Variants in RUNX3 observed in about 807,000 individuals in gnomAD.
The protein encoded by RUNX3 is runt-related transcription factor 3.
RUNX3 carries 10 observed loss-of-function variants against 27.7 expected under a neutral mutation model. The observed-to-expected ratio is 0.36, with a 90% CI of 0.22 to 0.61. RUNX3 has a LOEUF of 0.61. Ranked by LOEUF, RUNX3 falls within the 20% of genes least tolerant of loss-of-function variation. The pLI is 0.72. For missense variants in RUNX3, 469 were observed against 629.5 expected (o/e 0.75, Z 2.73); for synonymous variants, 270 against 269.2 (o/e 1.00, Z -0.03).
chr1:24,920,553 T>C (rs1640979186), intron 2 of RUNX3, among the ~76,000 whole-genome samples: 1 of 152,224 alleles, frequency 6.6e-6, no homozygotes, highest in Admixed American at 6.5e-5. Context: ...TCCATCATAA[T>C]CCAACACAAA....
intron 3 of RUNX3, among the ~76,000 whole-genome samples, chr1:24,917,094 G>A (rs1383076921): frequency 6.6e-6 from 1 of 152,164 alleles, no homozygotes; most frequent in Non-Finnish European, 1.5e-5. Context: ...TGAGCATGGA[G>A]GGCTCTCAGA....
chr1:24,940,656 G>C (rs1221934031), intron 2 of RUNX3, among the ~76,000 whole-genome samples: 3 of 152,074 alleles, frequency 2.0e-5, no homozygotes, highest in African/African-American at 7.2e-5. Context: ...CTACTTGGAA[G>C]GGTGAGGTGG....
intron 2 of RUNX3, among the ~76,000 whole-genome samples, chr1:24,945,003 CATTT>C (rs1340521220): frequency 6.6e-6 from 1 of 152,156 alleles, no homozygotes; most frequent in Non-Finnish European, 1.5e-5. Context: ...TTCCTCAGCA[CATTT>C]ATTAGTGCCT....
chr1:24,949,560 A>G (rs1265335076), intron 2 of RUNX3, among the ~76,000 whole-genome samples: 1 of 152,206 alleles, frequency 6.6e-6, no homozygotes, highest in African/African-American at 2.4e-5. Context: ...CTTGATTTCT[A>G]GTCCAAGTTG....
intron 4 of RUNX3, among the ~76,000 whole-genome samples, chr1:24,906,884 TG>T (rs1640674549): frequency 6.6e-6 from 1 of 151,856 alleles, no homozygotes; most frequent in Non-Finnish European, 1.5e-5. Flanking sequence ...GGGGCAGGGG[TG>T]GGGAAACTGT....
At chr1:24,958,022 G>A (rs1442457981) in intron 2 of RUNX3, among the ~76,000 whole-genome samples, 1 of 152,258 alleles carries the variant, frequency 6.6e-6, no homozygotes, top group African/African-American at 2.4e-5. Context: ...ACCAGGGCTT[G>A]GCGCTGGAGA....
At chr1:24,964,729 T>G in intron 1 of RUNX3, 1 of 1,438,514 alleles carries the variant, frequency 7.0e-7, no homozygotes, top group Non-Finnish European at 9.2e-7. Context: ...TTTTTGTCTC[T>G]TTTTTCCCCC....
intron 2 of RUNX3, among the ~76,000 whole-genome samples, chr1:24,942,760 C>G (rs76242143): frequency 2.6e-5 from 4 of 152,244 alleles, no homozygotes; most frequent in Admixed American, 6.5e-5. Flanking sequence ...GTAGCCTGAC[C>G]TGCAGTGCAG....
At chr1:24,964,446 A>G (rs1642201614) in intron 2 of RUNX3, 1 of 1,317,956 alleles carries the variant, frequency 7.6e-7, no homozygotes, top group South Asian at 1.3e-5. Context: ...CAGGGCGGTC[A>G]GTGGAGGGAC....
chr1:24,917,434 T>C (rs1217466010), intron 3 of RUNX3, among the ~76,000 whole-genome samples: 2 of 152,146 alleles, frequency 1.3e-5, no homozygotes, highest in Non-Finnish European at 2.9e-5. Flanking sequence ...GACAAAACGC[T>C]GCGGACCCAG....
At chr1:24,931,543 TC>T (rs1641228715), upstream of RUNX3, among the ~76,000 whole-genome samples, 1 of 152,070 alleles carries the variant, frequency 6.6e-6, no homozygotes, top group African/African-American at 2.4e-5. Flanking sequence ...GTGCTGAGCC[TC>T]CCCGCCGCTT....
chr1:24,932,536 A>G (rs1641255922), upstream of RUNX3, among the ~76,000 whole-genome samples: 1 of 152,132 alleles, frequency 6.6e-6, no homozygotes, highest in Non-Finnish European at 1.5e-5. Flanking sequence ...TTTCCTTGCC[A>G]TCCATGCGGC....
chr1:24,932,590 C>A (rs1172604880), upstream of RUNX3, among the ~76,000 whole-genome samples: 1 of 152,198 alleles, frequency 6.6e-6, no homozygotes, highest in Non-Finnish European at 1.5e-5. Flanking sequence ...ACCAAGGCCG[C>A]CTTCCTCACC....
intron 4 of RUNX3, among the ~76,000 whole-genome samples, chr1:24,905,330 G>A (rs1640644442): frequency 6.6e-6 from 1 of 152,234 alleles, no homozygotes; most frequent in East Asian, 1.9e-4. Context: ...TACAGCCAAT[G>A]CCTGGCAGAG....
At chr1:24,908,982 G>A (rs1470613800) in intron 3 of RUNX3, among the ~76,000 whole-genome samples, 1 of 152,202 alleles carries the variant, frequency 6.6e-6, no homozygotes, top group African/African-American at 2.4e-5. Flanking sequence ...TCTCTGCCTG[G>A]AAGCTGGGGT....
chr1:24,900,170 G>T lies in RUNX3; in HGVS notation c.*1952C>A. On this transcript the variant is annotated 3_prime_UTR_variant, in exon 5 of 5. Coordinates refer to ENST00000308873, the MANE Select transcript of RUNX3 (RefSeq NM_004350.3). ...CTGCTTCCTAAGAAGGCATGGAGAGGCCCCTTGGGTGCAGGGAGTCAGCAA... is the reference window on the plus strand; with the variant it reads ...CTGCTTCCTAAGAAGGCATGGAGAGTCCCCTTGGGTGCAGGGAGTCAGCAA... The T allele has an allele frequency of 6.6e-6, 1 of 152,506 alleles. No homozygotes were observed. The allele number at this position is 152,506 out of a possible 1,614,324, so 9.4% of individuals were successfully genotyped here.
chr1:24,942,945 C>T (rs1027046019), intron 2 of RUNX3, among the ~76,000 whole-genome samples: 3 of 152,242 alleles, frequency 2.0e-5, no homozygotes, highest in African/African-American at 7.2e-5. Context: ...CCCGTGGGCA[C>T]CGCTCCTGAG....
Position 24,930,063 on chromosome 1 carries a change from C to G in RUNX3, c.-195G>C. 1.0e-6 allele frequency: 1 copy of G among 980,532 alleles called. No individual in the cohort carries two copies. Among genetic ancestry groups the G allele is most frequent in the Non-Finnish European group, 1.2e-6 (1 of 828,016 alleles). The allele number at this position is 980,532 out of a possible 1,614,324, so 60.7% of individuals were successfully genotyped here. A position where few individuals can be genotyped will look rare whatever the true frequency, so the allele number is the denominator to read the frequency against. The stretch of plus-strand genomic sequence containing the variant: ...CCCGCCCGCTGCGAGGCCTCGCTGG[C>G]CCGACGGCCGCCCGCAGCCTGCCCG... On this transcript the variant is annotated 5_prime_UTR_variant, in exon 1 of 5. Coordinates refer to ENST00000308873, the MANE Select transcript of RUNX3 (RefSeq NM_004350.3). The surrounding 1 kb of genome is among the most constrained non-coding windows in gnomAD (Gnocchi z 4.1).
In RUNX3 at chr1:24,901,275, G is replaced by T. The variant is rs1640543049; in HGVS notation, c.*847C>A. 1 of 152,330 alleles carries T rather than the reference G, an allele frequency of 6.6e-6. No individual in the cohort carries two copies. The highest frequency in any genetic ancestry group is 6.6e-5 in the Admixed American group (1 of 15,252). 9.4% of individuals were successfully genotyped at this position (152,330 alleles called of 1,614,324 possible). On this transcript the variant is annotated 3_prime_UTR_variant, in exon 5 of 5. Transcript: ENST00000308873. ...TGGCCCTCCTGTTCTCTCCACAAATGGAATTATGAGACCACCTAGGGGAAA... is the reference window on the plus strand; with the variant it reads ...TGGCCCTCCTGTTCTCTCCACAAATTGAATTATGAGACCACCTAGGGGAAA...
Sources: allele counts gnomAD v4.1 joint callset (sites outside exome capture counted in the v4.1 genomes callset), GRCh38; gene constraint gnomAD v4.1.1; non-coding constraint Gnocchi (gnomAD v3.1); transcripts MANE v1.5; gene names NCBI Gene and HGNC (gene_info 2026-07-23, HGNC 2026-07-21).